The following ATF6B variants were observed in gnomAD, a reference collection of about 807,000 sequenced individuals.
ATF6B encodes the protein cyclic AMP-dependent transcription factor ATF-6 beta.
Under a neutral mutation model 83.5 loss-of-function variants are expected in ATF6B, and 50 were observed. The observed-to-expected ratio is 0.60, with a 90% CI of 0.48 to 0.76. The LOEUF is 0.76. Ranked by LOEUF, ATF6B falls within the 30% of genes least tolerant of loss-of-function variation. ATF6B has a pLI of 0.00. For missense variants in ATF6B, 790 were observed against 893.8 expected (o/e 0.88, Z 1.48); for synonymous variants, 344 against 362.8 (o/e 0.95, Z 0.59).
In ATF6B at chr6:32,117,669, C is replaced by T. The variant is rs769819197; in HGVS notation, c.1450G>A (p.Ala484Thr). ...AGGTCTCTTAGTAGTAGCTCCTTGG[C>T]GCCCCCAGGGAAGGCTGTCAGGTTG... ...FSNLTAFPGGAKELLLRDLDQ... is the reference protein window; with the variant it reads ...FSNLTAFPGGTKELLLRDLDQ... Residue 484 changes from alanine to threonine, a missense_variant, in exon 13 of 18, where the codon GCC (alanine) becomes ACC (threonine). Physicochemically the swap from Ala to Thr is moderately conservative, Grantham distance 58. Coordinates refer to ENST00000375203, the MANE Select transcript of ATF6B (RefSeq NM_004381.5). The surrounding 1 kb of genome is among the most constrained non-coding windows in gnomAD (Gnocchi z 5.0). The T allele has an allele frequency of 8.1e-6, 13 of 1,614,060 alleles. No individual in the cohort carries two copies. The highest frequency in any genetic ancestry group is 4.5e-5 in the East Asian group (2 of 44,890).
At chr6:32,126,646 C>G (rs1337011682) in intron 4 of ATF6B, among the ~76,000 whole-genome samples, 2 of 152,060 alleles carry the variant, frequency 1.3e-5, no homozygotes, top group Non-Finnish European at 2.9e-5. Flanking sequence ...ATCACTTGAG[C>G]CCAGGAGTTT....
chr6:32,117,746 C>A lies in ATF6B; in HGVS notation c.1425-52G>T. ...ACTTGGAGACTGCCCAGCACTCCCA[C>A]AACAAAGAAGGCGATGACGGCAAGA... On this transcript the variant is annotated intron_variant, in intron 12 of 17. Coordinates refer to ENST00000375203, the MANE Select transcript of ATF6B (RefSeq NM_004381.5). The surrounding 1 kb of genome is among the most constrained non-coding windows in gnomAD (Gnocchi z 5.0). The A allele has an allele frequency of 6.3e-7, 1 of 1,597,118 alleles. No homozygotes were observed.
At position 32,120,176 on chromosome 6, in the gene ATF6B, CA is replaced by C; in HGVS notation, c.833-220del. ...GCAGTGGTGCGATCTCGGCTCACTGCAAGCTCCGCCTCCCGGGTTCACGCCA... is the reference window on the plus strand; with the variant it reads ...GCAGTGGTGCGATCTCGGCTCACTGCAGCTCCGCCTCCCGGGTTCACGCCA... On this transcript the variant is annotated intron_variant, in intron 8 of 17. Transcript: ENST00000375203. The C allele has an allele frequency of 7.9e-6, 3 of 377,900 alleles. 1 individual carries two copies. Among genetic ancestry groups the C allele is most frequent in the Non-Finnish European group, 1.4e-5 (3 of 217,688 alleles). 23.4% of individuals were successfully genotyped at this position (377,900 alleles called of 1,614,324 possible). A position where few individuals can be genotyped will look rare whatever the true frequency, so the allele number is the denominator to read the frequency against.
Position 32,116,641 on chromosome 6 carries a change from C to T in ATF6B, c.1797+63G>A. 1.9e-6 allele frequency: 3 copies of T among 1,604,976 alleles called. No individual in the cohort carries two copies. Among genetic ancestry groups the T allele is most frequent in the Non-Finnish European group, 2.6e-6 (3 of 1,172,014 alleles). On this transcript the variant is annotated intron_variant, in intron 16 of 17. Transcript: ENST00000375203. The surrounding 1 kb of genome is among the most constrained non-coding windows in gnomAD (Gnocchi z 5.1). ...GCTCCCCAGCCCTACTCTACATCCC[C>T]CCACTGAAGACAGACTGCTGGGAAC...
rs1267563237 is a variant in ATF6B, at chr6:32,115,664, G to C, written c.*75C>G. On this transcript the variant is annotated 3_prime_UTR_variant, in exon 18 of 18. Transcript: ENST00000375203. ...CCAATTGCCCCAAGCCTGGGGATCAGGGAAATTTGAAACAGTCCCACCTGG... is the reference window on the plus strand; with the variant it reads ...CCAATTGCCCCAAGCCTGGGGATCACGGAAATTTGAAACAGTCCCACCTGG... 100 of 1,330,888 alleles carry C rather than the reference G, an allele frequency of 7.5e-5. No individual in the cohort carries two copies. The highest frequency in any genetic ancestry group is 9.4e-5 in the Non-Finnish European group (91 of 965,354). The allele number at this position is 1,330,888 out of a possible 1,614,324, so 82.4% of individuals were successfully genotyped here.
chr6:32,125,717 C>G lies in ATF6B; in HGVS notation c.478+400G>C, dbSNP rs1212159210. ...TGGAGGTTGCAGTGAGCTGAGACCA[C>G]ACCACTGCACTTCAGCCCGAGCGAC... On this transcript the variant is annotated intron_variant, in intron 5 of 17. Transcript: ENST00000375203. The surrounding 1 kb of genome is among the most constrained non-coding windows in gnomAD (Gnocchi z 4.1). Among the ~76,000 whole-genome samples the G allele has an allele frequency of 6.6e-6, 1 of 152,178 alleles. No individual in the cohort carries two copies. The highest frequency in any genetic ancestry group is 2.4e-5 in the African/African-American group (1 of 41,436).
rs890689019 is a variant in ATF6B at position 32,120,194 on chromosome 6, T to C, written c.833-237A>G. 203 of 269,082 alleles carry C rather than the reference T, an allele frequency of 7.5e-4. 1 individual carries two copies. Among genetic ancestry groups the C allele is most frequent in the Non-Finnish European group, 1.3e-3 (187 of 142,070 alleles). 16.7% of individuals were successfully genotyped at this position (269,082 alleles called of 1,614,324 possible). On this transcript the variant is annotated intron_variant, in intron 8 of 17. Transcript: ENST00000375203. ...CTCACTGCAAGCTCCGCCTCCCGGG[T>C]TCACGCCATTCTCCTGCCTCAGCCT...
chr6:32,115,662 C>G lies in ATF6B; in HGVS notation c.*77G>C. The G allele has an allele frequency of 3.1e-6, 4 of 1,311,144 alleles. No individual in the cohort carries two copies. The highest frequency in any genetic ancestry group is 4.2e-6 in the Non-Finnish European group (4 of 947,700). The allele number at this position is 1,311,144 out of a possible 1,614,324, so 81.2% of individuals were successfully genotyped here. A position where few individuals can be genotyped will look rare whatever the true frequency, so the allele number is the denominator to read the frequency against. On this transcript the variant is annotated 3_prime_UTR_variant, in exon 18 of 18. Transcript: ENST00000375203. ...TACCAATTGCCCCAAGCCTGGGGATCAGGGAAATTTGAAACAGTCCCACCT... is the reference window on the plus strand; with the variant it reads ...TACCAATTGCCCCAAGCCTGGGGATGAGGGAAATTTGAAACAGTCCCACCT...
chr6:32,116,761 T>C lies in ATF6B; in HGVS notation c.1740A>G (p.Ala580=), dbSNP rs2127331453. The C allele has an allele frequency of 1.2e-6, 2 of 1,614,130 alleles. No homozygotes were observed. The highest frequency in any genetic ancestry group is 1.7e-6 in the Non-Finnish European group (2 of 1,180,022). ...CCCGTCGGTCAATTGCATCCAAGAATGCTGGCTGCGAACGGTCTGGGTGGC... is the reference window on the plus strand; with the variant it reads ...CCCGTCGGTCAATTGCATCCAAGAACGCTGGCTGCGAACGGTCTGGGTGGC... ...LYRHPDRSQP[A]FLDAIDRRED... is the part of the protein sequence containing the mutation. Residue 580 remains alanine, a synonymous_variant, in exon 16 of 18, where the codon GCA becomes GCG. Coordinates refer to ENST00000375203, the MANE Select transcript of ATF6B (RefSeq NM_004381.5). This position sits in a 1 kb window ranked among gnomAD's most constrained non-coding sequence, Gnocchi z 5.1.
At position 32,128,211 on chromosome 6, in the gene ATF6B, T is replaced by TGGGGC; in HGVS notation, c.-5_-4insGCCCC. On this transcript the variant is annotated 5_prime_UTR_variant, in exon 1 of 18. Transcript: ENST00000375203. ...TGAGCAGCATCAGCTCCGCCATCTTTCCCCCCCACCCCCCAACCAGGAGAC... is the reference window on the plus strand; with the variant it reads ...TGAGCAGCATCAGCTCCGCCATCTTTGGGGCCCCCCCCACCCCCCAACCAGGAGAC... 1 of 1,536,770 alleles carries TGGGGC rather than the reference T, an allele frequency of 6.5e-7. No individual in the cohort carries two copies. The highest frequency in any genetic ancestry group is 8.8e-7 in the Non-Finnish European group (1 of 1,131,392).
Position 32,117,025 on chromosome 6 carries a change from C to T in ATF6B, c.1685+12G>A. The T allele has an allele frequency of 6.2e-7, 1 of 1,613,328 alleles. No homozygotes were observed. The highest frequency in any genetic ancestry group is 8.5e-7 in the Non-Finnish European group (1 of 1,179,426). ...TTTCACTTAATAAGTAAGCACCCCACCCCACACTCACCTTTCTGGGGGTCC... is the reference window on the plus strand; with the variant it reads ...TTTCACTTAATAAGTAAGCACCCCATCCCACACTCACCTTTCTGGGGGTCC... On this transcript the variant is annotated intron_variant, in intron 15 of 17. Transcript: ENST00000375203. This position sits in a 1 kb window ranked among gnomAD's most constrained non-coding sequence, Gnocchi z 5.0.
At position 32,127,726 on chromosome 6, in the gene ATF6B, T is replaced by C. The variant is rs1421093205; in HGVS notation, c.116A>G (p.Asp39Gly). ...LQNSTLYSGLDEVAEEQTQLF... is the reference protein window; with the variant it reads ...LQNSTLYSGLGEVAEEQTQLF... Reference sequence around the variant, plus strand: ...CTGCGTCTGCTCCTCGGCCACTTCATCTAGGCCAGAATACAAGGTGCTGTC... The same window carrying C: ...CTGCGTCTGCTCCTCGGCCACTTCACCTAGGCCAGAATACAAGGTGCTGTC... Residue 39 changes from aspartate (D) to glycine (G), a missense_variant, in exon 2 of 18, where the codon GAT becomes GGT. Transcript: ENST00000375203. The C allele has an allele frequency of 1.9e-6, 3 of 1,614,138 alleles. No homozygotes were observed. Among genetic ancestry groups the C allele is most frequent in the Non-Finnish European group, 2.5e-6 (3 of 1,180,022 alleles).
chr6:32,127,672 G>A lies in ATF6B; in HGVS notation c.170C>T (p.Pro57Leu). The change falls in exon 2 of 18, where the codon CCG (proline) becomes CTG (leucine). Residue 57 changes from proline (P) to leucine (L), a missense_variant and splice_region_variant. By Grantham distance (98) the Pro-to-Leu change is moderately conservative. This residue lies in a region of ATF6B where 253 missense variants were observed against 243.1 expected (regional missense o/e 1.04). Transcript: ENST00000375203. ...QLFRCPEQDV[P>L]FDGSSLDVGM... is the part of the protein sequence containing the mutation. The stretch of plus-strand genomic sequence containing the variant: ...AGAGAAAGGCTGGGGACACAATACC[G>A]GGACATCCTGCTCCGGGCAACGGAA... 1 of 1,614,158 alleles carries A rather than the reference G, an allele frequency of 6.2e-7. No homozygotes were observed. Among genetic ancestry groups the A allele is most frequent in the African/African-American group, 1.3e-5 (1 of 75,024 alleles).
rs147043016 is a variant in ATF6B, at chr6:32,127,948, T to C, written c.91+169A>G. Among the ~76,000 whole-genome samples, 34 of 151,782 alleles carry C rather than the reference T, an allele frequency of 2.2e-4. No individual in the cohort carries two copies. The East Asian group carries it at 6.2e-3, about 28-fold the overall frequency. ...CTCGACGTTCCAGCAGGGAGCAGAG[T>C]TCTTCCCTGACTTTTGTATCCCCCT... On this transcript the variant is annotated intron_variant, in intron 1 of 17. Transcript: ENST00000375203.
chr6:32,121,039 G>A lies in ATF6B; in HGVS notation c.650C>T (p.Ser217Leu). 6.4e-7 allele frequency: 1 copy of A among 1,550,492 alleles called. No homozygotes were observed. The highest frequency in any genetic ancestry group is 8.7e-7 in the Non-Finnish European group (1 of 1,152,498). Residue 217 changes from serine to leucine, a missense_variant, in exon 7 of 18, where the codon TCA becomes TTA. Physicochemically the swap from Ser to Leu is moderately radical, Grantham distance 145. Transcript: ENST00000375203. ...GCLLWDVPAP[S>L]LGAVQISMGP... ...CATGCTGATCTGGACAGCTCCAAGT[G>A]AGGGGGCTGGGACATCCCACAGGAG...
chr6:32,117,978 G>T lies in ATF6B; in HGVS notation c.1305C>A (p.Pro435=). ...CTGAGAACCCCAGCAAGTGTCTCCG[G>T]GGTTGAGGCTCCCCCTTGTTCATCC... ...SPRMNKGEPQ[P]RRHLLGFSEQ... Residue 435 remains proline (P), a synonymous_variant, in exon 12 of 18, where the codon CCC becomes CCA. Transcript: ENST00000375203. This position sits in a 1 kb window ranked among gnomAD's most constrained non-coding sequence, Gnocchi z 5.0. The T allele has an allele frequency of 6.2e-7, 1 of 1,614,062 alleles. No individual in the cohort carries two copies. The highest frequency in any genetic ancestry group is 1.7e-5 in the Admixed American group (1 of 60,016).
At chr6:32,126,999 CTCATAGCACACAAATCATTTAAATCATT>C in intron 4 of ATF6B, 76 bp downstream of exon 4, 1 of 1,087,942 alleles carries the variant, frequency 9.2e-7, no homozygotes. Flanking sequence ...CACCTCATGA[CTCATAGCACACAAATCATTTAAATCATT>C]TCTTTGTCAC....
chr6:32,119,244 T>A lies in ATF6B; in HGVS notation c.967-103A>T. Reference sequence around the variant, plus strand: ...ATTTACCCAAAGCTCACATGGCCATTCCCCTGCCTTCCTGACCCACCTACA... The same window carrying A: ...ATTTACCCAAAGCTCACATGGCCATACCCCTGCCTTCCTGACCCACCTACA... On this transcript the variant is annotated intron_variant, in intron 9 of 17. Coordinates refer to ENST00000375203, the MANE Select transcript of ATF6B (RefSeq NM_004381.5). This position sits in a 1 kb window ranked among gnomAD's most constrained non-coding sequence, Gnocchi z 4.9. The A allele has an allele frequency of 7.5e-7, 1 of 1,340,150 alleles. No homozygotes were observed. Among genetic ancestry groups the A allele is most frequent in the Non-Finnish European group, 1.0e-6 (1 of 999,068 alleles). 83.0% of individuals were successfully genotyped at this position (1,340,150 alleles called of 1,614,324 possible).
intron 1 of ATF6B, 99 bp from the exon 2 acceptor site, chr6:32,127,849 G>A: frequency 7.5e-7 from 1 of 1,337,554 alleles, no homozygotes. Context: ...CGCTCGGCCA[G>A]ACCCACCGCC....
Sources: gnomAD v4.1 joint callset for allele counts (sites outside exome capture counted in the v4.1 genomes callset) on GRCh38, gnomAD v4.1.1 for gene constraint, gnomAD v4.1.1 regional missense constraint, Gnocchi (gnomAD v3.1) non-coding constraint, MANE v1.5 for transcripts, NCBI Gene and HGNC (gene_info 2026-07-23, HGNC 2026-07-21) for gene names.